The following PHTF1 variants were observed in gnomAD, a reference collection of about 807,000 sequenced individuals.
PHTF1 encodes protein PHTF1.
Under a neutral mutation model 102.4 loss-of-function variants are expected in PHTF1, and 88 were observed. That is an observed-to-expected ratio of 0.86 (90% CI 0.72 to 1.03). The LOEUF (loss-of-function observed/expected upper bound fraction) is 1.03, where lower values mean the gene tolerates loss of function less well. Ranked by LOEUF, PHTF1 falls within the 50% of genes least tolerant of loss-of-function variation. The probability of loss-of-function intolerance (pLI) is 0.00; values close to 1 mark genes in which losing one functional copy is unlikely to be tolerated. For synonymous variants in PHTF1, 289 were observed against 305.2 expected, an observed-to-expected ratio of 0.95 and a Z score of 0.55; for missense variants, 814 against 909.5, an observed-to-expected ratio of 0.89 and a Z score of 1.35.
At chr1:113,742,757 CT>C (rs1656603740) in intron 3 of PHTF1, among the ~76,000 whole-genome samples, 1 of 152,174 alleles carries the variant, frequency 6.6e-6, no homozygotes, top group African/African-American at 2.4e-5. Flanking sequence ...TAGGACACTG[CT>C]GTAGTACACT....
intron 7 of PHTF1, among the ~76,000 whole-genome samples, chr1:113,723,231 A>G (rs546325587): frequency 6.6e-6 from 1 of 150,686 alleles, no homozygotes; most frequent in South Asian, 2.1e-4. Flanking sequence ...AGGCTGGAGT[A>G]AAGTGGTGAG....
At chr1:113,715,648 CAAAAAAAAAAAAAAAA>C (rs60517410) in intron 7 of PHTF1, among the ~76,000 whole-genome samples, 4 of 24,960 alleles carry the variant, frequency 1.6e-4, no homozygotes, top group East Asian at 3.6e-3. Flanking sequence ...AACCCTGTCT[CAAAAAAAAAAAAAAAA>C]AAAAAAAAAA....
intron 3 of PHTF1, among the ~76,000 whole-genome samples, chr1:113,753,757 T>A (rs541872638): frequency 4.0e-5 from 6 of 149,518 alleles, no homozygotes; most frequent in Admixed American, 2.7e-4. Flanking sequence ...GTCTCTGTCA[T>A]CTTGACCTCC....
intron 17 of PHTF1, 111 bp downstream of exon 17, chr1:113,699,593 C>T (rs1009046675): frequency 1.5e-6 from 1 of 688,382 alleles, no homozygotes; most frequent in South Asian, 1.6e-5. Flanking sequence ...GAAGAGTCCA[C>T]TTCCAGGACC....
intron 5 of PHTF1, among the ~76,000 whole-genome samples, chr1:113,733,403 T>C (rs1024184115): frequency 6.6e-6 from 1 of 152,182 alleles, no homozygotes; most frequent in African/African-American, 2.4e-5. Flanking sequence ...AGGAAAACTT[T>C]GTTCCTGCTG....
At chr1:113,747,271 T>C (rs1190816556) in intron 3 of PHTF1, among the ~76,000 whole-genome samples, 2 of 152,254 alleles carry the variant, frequency 1.3e-5, no homozygotes, top group African/African-American at 2.4e-5. Context: ...TATATTTTCC[T>C]CTCACAAATT....
At chr1:113,705,851 CAA>C (rs1557906785) in intron 13 of PHTF1, 37 bp downstream of exon 13, 2 of 1,552,890 alleles carry the variant, frequency 1.3e-6, no homozygotes, top group African/African-American at 2.7e-5. Flanking sequence ...ATATCATATA[CAA>C]AAACAGGTAA....
At chr1:113,742,443 G>T (rs529521914) in intron 3 of PHTF1, among the ~76,000 whole-genome samples, 85 of 152,220 alleles carry the variant, frequency 5.6e-4, no homozygotes, top group Middle Eastern at 3.4e-3. Context: ...GGCCAACATG[G>T]TGAAACCCCC....
chr1:113,733,343 T>A (rs192237761), intron 5 of PHTF1, among the ~76,000 whole-genome samples: 1 of 152,092 alleles, frequency 6.6e-6, no homozygotes, highest in Non-Finnish European at 1.5e-5. Flanking sequence ...CATTCTTTGA[T>A]CTGTTAATTC....
rs115355996 is a variant in PHTF1 at position 113,757,877 on chromosome 1, T to C, written c.46-122A>G. On this transcript the variant is annotated intron_variant, in intron 2 of 18. Coordinates refer to ENST00000369604, the MANE Select transcript of PHTF1 (RefSeq NM_001323043.2). ...ATATGCTATGTGGAAAATATGCTTC[T>C]CAAAAGTTAGAATAAATCAATACTT... 1,758 of 662,886 alleles carry C rather than the reference T, an allele frequency of 2.7e-3. 27 individuals carry two copies. The African/African-American group carries it at 0.027, about 10-fold the overall frequency. The allele number at this position is 662,886 out of a possible 1,614,324, so 41.1% of individuals were successfully genotyped here. A position where few individuals can be genotyped will look rare whatever the true frequency, so the allele number is the denominator to read the frequency against.
rs1408466675 is a variant in PHTF1 at position 113,738,728 on chromosome 1, A to G, written c.172+2T>C. 9 of 1,563,428 alleles carry G rather than the reference A, an allele frequency of 5.8e-6. No individual in the cohort carries two copies. The highest frequency in any genetic ancestry group is 7.8e-6 in the Non-Finnish European group (9 of 1,153,288). The stretch of plus-strand genomic sequence containing the variant: ...TACATAAAAAACAATTTTAAGACTA[A>G]CCTCTGATTAAGTCAACGTCAATCA... On this transcript the variant is annotated splice_donor_variant, in intron 4 of 18. Transcript: ENST00000369604. LOFTEE classifies it high-confidence loss of function.
chr1:113,723,479 A>C (rs1653330301), intron 7 of PHTF1, among the ~76,000 whole-genome samples: 1 of 152,212 alleles, frequency 6.6e-6, no homozygotes, highest in Admixed American at 6.5e-5. Flanking sequence ...TGCCCGGCCA[A>C]CAGTGAACTC....
intron 7 of PHTF1, chr1:113,715,213 A>T (rs1651797300): frequency 6.6e-6 from 1 of 152,300 alleles, no homozygotes; most frequent in South Asian, 2.1e-4. Context: ...TACAATAAAC[A>T]TCTAACCATT....
At chr1:113,707,177 G>A (rs568421737) in intron 11 of PHTF1, among the ~76,000 whole-genome samples, 14 of 152,140 alleles carry the variant, frequency 9.2e-5, no homozygotes, top group African/African-American at 2.9e-4. Flanking sequence ...CTAGAGCTAC[G>A]AGATTACACT....
At position 113,700,915 on chromosome 1, in the gene PHTF1, G is replaced by C; in HGVS notation, c.1925C>G (p.Ala642Gly). The change falls in exon 16 of 19, where the codon GCT becomes GGT. Residue 642 changes from alanine to glycine, a missense_variant. Coordinates refer to ENST00000369604, the MANE Select transcript of PHTF1 (RefSeq NM_001323043.2). Reference protein sequence around the residue: ...LQGHKTFLNDAYNWEFLIWET... With the variant: ...LQGHKTFLNDGYNWEFLIWET... ...CCAGATCAAAAACTCCCAGTTATAA[G>C]CATCATTCAGGAAAGTTTTATGTCC... is the stretch of plus-strand genomic sequence containing the variant. 1 of 1,612,018 alleles carries C rather than the reference G, an allele frequency of 6.2e-7. No individual in the cohort carries two copies. The highest frequency in any genetic ancestry group is 8.5e-7 in the Non-Finnish European group (1 of 1,179,354).
chr1:113,700,704 A>G, intron 16 of PHTF1, 90 bp downstream of exon 16: 1 of 1,201,682 alleles, frequency 8.3e-7, no homozygotes, highest in Non-Finnish European at 1.2e-6. Context: ...ACAGCTAGAC[A>G]GTGATTAAAC....
chr1:113,712,344 C>T (rs563324849), intron 8 of PHTF1, among the ~76,000 whole-genome samples: 2 of 152,216 alleles, frequency 1.3e-5, no homozygotes, highest in African/African-American at 4.8e-5. Context: ...AACCAAGACT[C>T]AAGTCAAACT....
chr1:113,711,631 G>A lies in PHTF1; in HGVS notation c.1047+115C>T, dbSNP rs1047563553. 8.3e-5 allele frequency: 59 copies of A among 713,972 alleles called. No individual in the cohort carries two copies. In the East Asian group the frequency reaches 1.5e-3, roughly 18 times the overall value. The allele number at this position is 713,972 out of a possible 1,614,324, so 44.2% of individuals were successfully genotyped here. ...TAAGGAGATGGGTAATTGGAGACAG[G>A]GAAGGGCTGGCAAATATTAATGTAA... On this transcript the variant is annotated intron_variant, in intron 10 of 18. Transcript: ENST00000369604.
intron 7 of PHTF1, among the ~76,000 whole-genome samples, chr1:113,724,451 G>T (rs1288206221): frequency 6.7e-6 from 1 of 149,138 alleles, no homozygotes; most frequent in Non-Finnish European, 1.5e-5. Flanking sequence ...TGAGGCAGGA[G>T]AATCGCTTGA....
Sources: gnomAD v4.1 joint callset for allele counts (sites outside exome capture counted in the v4.1 genomes callset) on GRCh38, gnomAD v4.1.1 for gene constraint, MANE v1.5 for transcripts, NCBI Gene and HGNC (gene_info 2026-07-23, HGNC 2026-07-21) for gene names.